TYMS: variants seen among roughly 807,000 people sequenced by gnomAD.
The protein encoded by TYMS is thymidylate synthase.
Under a neutral mutation model 39.3 loss-of-function variants are expected in TYMS, and 21 were observed. The ratio of observed to expected loss-of-function variants is 0.54; its 90% CI spans 0.38 to 0.77. TYMS has a LOEUF of 0.77. TYMS is among the 30% of genes least tolerant of loss of function. The pLI is 0.00. For synonymous variants in TYMS, 171 were observed against 162.2 expected (o/e 1.05, Z -0.41); for missense variants, 273 against 406.7 (o/e 0.67, Z 2.83).
At chr18:667,822 G>A (rs1167201413) in intron 3 of TYMS, 2 of 152,052 alleles carry the variant, frequency 1.3e-5, no homozygotes, top group African/African-American at 4.8e-5. Flanking sequence ...GCCAGTCCCC[G>A]GGCTTAATGA....
At chr18:668,885 G>A (rs2074918317) in intron 3 of TYMS, among the ~76,000 whole-genome samples, 187 bp from the exon 4 acceptor site, 1 of 152,046 alleles carries the variant, frequency 6.6e-6, no homozygotes, top group Admixed American at 6.5e-5. Context: ...ACAGAGCCAG[G>A]AGTCAGACAG....
Position 669,136 on chromosome 18 carries a change from C to A in TYMS, c.519C>A (p.Asp173Glu), listed in dbSNP as rs770269195. 3 of 1,614,030 alleles carry A rather than the reference C, an allele frequency of 1.9e-6. No homozygotes were observed. The highest frequency in any genetic ancestry group is 3.3e-5 in the Admixed American group (2 of 60,008). The change falls in exon 4 of 7, where the codon GAC becomes GAA. Residue 173 changes from aspartate to glutamate, a missense_variant. Physicochemically the swap from Asp to Glu is conservative, Grantham distance 45. This residue lies in a region of TYMS where 228 missense variants were observed against 326.1 expected (regional missense o/e 0.70). Transcript: ENST00000323274. ...TTGACACCATCAAAACCAACCCTGA[C>A]GACAGAAGAATCATCATGTGCGCTT... ...RVIDTIKTNP[D>E]DRRIIMCAWN...
Position 658,741 on chromosome 18 carries a change from A to C in TYMS, c.205+794A>C. 4.9e-6 allele frequency: 1 copy of C among 205,606 alleles called. No individual in the cohort carries two copies. 12.7% of individuals were successfully genotyped at this position (205,606 alleles called of 1,614,324 possible). On this transcript the variant is annotated intron_variant, in intron 1 of 6. Transcript: ENST00000323274. The surrounding 1 kb of genome is among the most constrained non-coding windows in gnomAD (Gnocchi z 4.5). ...CTGCGCCAGCTGCGCGGGGGAGGGG[A>C]CTCGAAGGTGTGTGAGCCAGGGGCT... is the stretch of plus-strand genomic sequence containing the variant.
At chr18:667,233 AGATGGAGATGGTGATGGTGATGGT>A (rs2074859286) in intron 3 of TYMS, among the ~76,000 whole-genome samples, 3 of 13,026 alleles carry the variant, frequency 2.3e-4, no homozygotes, top group Non-Finnish European at 3.7e-4. Flanking sequence ...ATGGTGATGG[AGATGGAGATGGTGATGGTGATGGT>A]GATGGAGATG....
chr18:669,015 C>A, intron 3 of TYMS, 57 bp from the exon 4 acceptor site: 1 of 1,458,730 alleles, frequency 6.9e-7, no homozygotes. Context: ...CTAAGGCCAT[C>A]TCATGACATG....
intron 4 of TYMS, 77 bp from the exon 5 acceptor site, chr18:670,615 T>C (rs2074998449): frequency 6.6e-7 from 1 of 1,520,132 alleles, no homozygotes; most frequent in Non-Finnish European, 9.0e-7. Flanking sequence ...CTTCTGTTTC[T>C]CTCCTGTTTT....
At chr18:671,272 A>G in intron 5 of TYMS, 108 bp from the exon 6 acceptor site, 1 of 809,632 alleles carries the variant, frequency 1.2e-6, no homozygotes, top group East Asian at 2.4e-5. Context: ...ACACTAAATT[A>G]TTTTTTTAAA....
chr18:658,331 C>T lies in TYMS; in HGVS notation c.205+384C>T, dbSNP rs1446831497. The T allele has an allele frequency of 2.2e-6, 3 of 1,356,592 alleles. No homozygotes were observed. Among genetic ancestry groups the T allele is most frequent in the South Asian group, 1.2e-5 (1 of 81,254 alleles). 84.0% of individuals were successfully genotyped at this position (1,356,592 alleles called of 1,614,324 possible). A position where few individuals can be genotyped will look rare whatever the true frequency, so the allele number is the denominator to read the frequency against. ...GCCGGTCTCAAAGTCCTGGCTTTGG[C>T]CCCTCCTCCGTTTTCCCCTGTGGAC... On this transcript the variant is annotated intron_variant, in intron 1 of 6. Transcript: ENST00000323274. The surrounding 1 kb of genome is among the most constrained non-coding windows in gnomAD (Gnocchi z 4.5).
At chr18:672,150 C>T (rs1313885646) in intron 6 of TYMS, 1 of 152,198 alleles carries the variant, frequency 6.6e-6, no homozygotes, top group Non-Finnish European at 1.5e-5. Flanking sequence ...GTTGAAATCC[C>T]TAAGTTATAG....
At position 657,869 on chromosome 18, in the gene TYMS, T is replaced by C; in HGVS notation, c.127T>C (p.Cys43Arg). The C allele has an allele frequency of 6.6e-7, 1 of 1,509,490 alleles. No individual in the cohort carries two copies. Among genetic ancestry groups the C allele is most frequent in the African/African-American group, 1.4e-5 (1 of 70,430 alleles). 93.5% of individuals were successfully genotyped at this position (1,509,490 alleles called of 1,614,324 possible). A position where few individuals can be genotyped will look rare whatever the true frequency, so the allele number is the denominator to read the frequency against. The change falls in exon 1 of 7, where the codon TGC becomes CGC. Residue 43 changes from cysteine to arginine, a missense_variant. Cys to Arg is a radical substitution (Grantham distance 180). This residue lies in a region of TYMS where 228 missense variants were observed against 326.1 expected (regional missense o/e 0.70). Coordinates refer to ENST00000323274, the MANE Select transcript of TYMS (RefSeq NM_001071.4). ...GGGGCAGATCCAACACATCCTCCGC[T>C]GCGGCGTCAGGAAGGACGACCGCAC... ...YLGQIQHILR[C>R]GVRKDDRTGT...
chr18:664,071 G>T, intron 3 of TYMS, among the ~76,000 whole-genome samples: 1 of 142,610 alleles, frequency 7.0e-6, no homozygotes, highest in Non-Finnish European at 1.5e-5. Flanking sequence ...TTGGTAGCTT[G>T]ATGGGGATGG....
chr18:658,157 C>T lies in TYMS; in HGVS notation c.205+210C>T. 1 of 1,578,948 alleles carries T rather than the reference C, an allele frequency of 6.3e-7. No homozygotes were observed. The highest frequency in any genetic ancestry group is 8.6e-7 in the Non-Finnish European group (1 of 1,164,784). On this transcript the variant is annotated intron_variant, in intron 1 of 6. Coordinates refer to ENST00000323274, the MANE Select transcript of TYMS (RefSeq NM_001071.4). This position sits in a 1 kb window ranked among gnomAD's most constrained non-coding sequence, Gnocchi z 4.5. ...CTGGCGCGGGCAACACACACAGCAG[C>T]GACAGCCGGGAGGTAAGCCGCGTCC...
At chr18:657,976 T>TG in intron 1 of TYMS, 29 bp downstream of exon 1, 1 of 1,508,100 alleles carries the variant, frequency 6.6e-7, no homozygotes, top group Non-Finnish European at 8.8e-7. Flanking sequence ...GCGGGACGGG[T>TG]GGCGGGAAGG....
rs949555550 is a variant in TYMS, at chr18:666,025, T to C, written c.455-3047T>C. ...GGGTGGAGAGTTCTGTAGATGTCTA[T>C]TAGGTCCGCTTAGTGCAGAGCTGAG... On this transcript the variant is annotated intron_variant, in intron 3 of 6. Transcript: ENST00000323274. 3.1e-5 allele frequency among the ~76,000 whole-genome samples: 3 copies of C among 97,746 alleles called. 1 individual carries two copies. Among genetic ancestry groups the C allele is most frequent in the Non-Finnish European group, 5.7e-5 (3 of 52,818 alleles). The allele number at this position is 97,746 out of a possible 152,430, so 64.1% of individuals were successfully genotyped here.
rs74333811 is a variant in TYMS, at chr18:666,945, T to C, written c.455-2127T>C. 6.8e-4 allele frequency among the ~76,000 whole-genome samples: 19 copies of C among 28,028 alleles called. 1 individual carries two copies. The highest frequency in any genetic ancestry group is 2.1e-3 in the African/African-American group (16 of 7,746). 18.4% of individuals were successfully genotyped at this position (28,028 alleles called of 152,430 possible). ...GAGATGGTGATGGTGATGGAGATGG[T>C]GATGGTGATGGAGATGGAGATGGTG... is the stretch of plus-strand genomic sequence containing the variant. On this transcript the variant is annotated intron_variant, in intron 3 of 6. Coordinates refer to ENST00000323274, the MANE Select transcript of TYMS (RefSeq NM_001071.4).
At chr18:667,562 T>C (rs1179645794) in intron 3 of TYMS, among the ~76,000 whole-genome samples, 1 of 92,112 alleles carries the variant, frequency 1.1e-5, no homozygotes, top group Non-Finnish European at 2.0e-5. Context: ...GAGATGGTGA[T>C]GGTGATGGAG....
intron 5 of TYMS, 100 bp from the exon 6 acceptor site, chr18:671,279 TA>T (rs903554693): frequency 7.2e-6 from 6 of 835,826 alleles, no homozygotes; most frequent in Non-Finnish European, 1.0e-5. Context: ...ATTATTTTTT[TA>T]AAAAAAGCCT....
chr18:669,101 C>G lies in TYMS; in HGVS notation c.484C>G (p.Gln162Glu). The change falls in exon 4 of 7, where the codon CAA (glutamine) becomes GAA (glutamate). Residue 162 changes from glutamine (Q) to glutamate (E), a missense_variant. Transcript: ENST00000323274. ...DYSGQGVDQL[Q>E]RVIDTIKTNP... ...TTCAGGACAGGGAGTTGACCAACTG[C>G]AAAGAGTGATTGACACCATCAAAAC... is the stretch of plus-strand genomic sequence containing the variant. 1.9e-6 allele frequency: 3 copies of G among 1,614,154 alleles called. No individual in the cohort carries two copies. Among genetic ancestry groups the G allele is most frequent in the Non-Finnish European group, 2.5e-6 (3 of 1,179,998 alleles).
In TYMS at chr18:659,733, T is replaced by C; in HGVS notation, c.279+19T>C. 1 of 1,603,438 alleles carries C rather than the reference T, an allele frequency of 6.2e-7. No individual in the cohort carries two copies. ...TATCAAGGTAAAGAAGTCGCTGCTA[T>C]TAGAAGTCAGTAGTCTGTTCTCAAC... On this transcript the variant is annotated intron_variant, in intron 2 of 6. Transcript: ENST00000323274.
Sources: allele counts gnomAD v4.1 joint callset (sites outside exome capture counted in the v4.1 genomes callset), GRCh38; gene constraint gnomAD v4.1.1; regional missense constraint gnomAD v4.1.1; non-coding constraint Gnocchi (gnomAD v3.1); transcripts MANE v1.5; gene names NCBI Gene and HGNC (gene_info 2026-07-23, HGNC 2026-07-21).